The following IFT88 variants were observed in gnomAD, a reference collection of about 807,000 sequenced individuals.
IFT88 encodes the protein intraflagellar transport 88, also known as intraflagellar transport protein 88 homolog.
A neutral mutation model predicts 119.5 loss-of-function variants in IFT88; 74 were observed. The observed-to-expected ratio is 0.62, with a 90% CI of 0.51 to 0.75. The LOEUF (loss-of-function observed/expected upper bound fraction) is 0.75, where lower values mean the gene tolerates loss of function less well. IFT88 is among the 30% of genes least tolerant of loss of function. The pLI, the probability that IFT88 is intolerant of heterozygous loss-of-function variation, is 0.00. For missense variants in IFT88, 961 were observed against 977.7 expected (o/e 0.98, Z 0.23); for synonymous variants, 279 against 316.7 (o/e 0.88, Z 1.26).
intron 14 of IFT88, among the ~76,000 whole-genome samples, chr13:20,621,532 A>T (rs1404942167): frequency 1.3e-4 from 2 of 14,958 alleles, no homozygotes; most frequent in Non-Finnish European, 1.9e-4. Flanking sequence ...GAGATAAAAA[A>T]AAAAAAAAAA....
chr13:20,614,817 CTT>C (rs762297940), intron 13 of IFT88, among the ~76,000 whole-genome samples: 7 of 125,828 alleles, frequency 5.6e-5, no homozygotes, highest in Admixed American at 8.5e-5. Context: ...TATTTCTTTT[CTT>C]TTTTTTTTTT....
rs1300608868 is a variant in IFT88 at position 20,623,890 on chromosome 13, T to G, written c.1200-1860T>G. On this transcript the variant is annotated intron_variant, in intron 14 of 25. Coordinates refer to ENST00000351808, the MANE Select transcript of IFT88 (RefSeq NM_006531.5). ...CTAAGTATTGTATTCTTTTTGGCAC[T>G]GTTGTCGATGGAATTGTACTCTTAA... Among the ~76,000 whole-genome samples, 6 of 152,208 alleles carry G rather than the reference T, an allele frequency of 3.9e-5. No individual in the cohort carries two copies. The East Asian group carries it at 1.2e-3, about 29-fold the overall frequency.
In IFT88 at chr13:20,592,414, T is replaced by G; in HGVS notation, c.398+10T>G. 6.3e-7 allele frequency: 1 copy of G among 1,586,094 alleles called. No individual in the cohort carries two copies. Among genetic ancestry groups the G allele is most frequent in the Non-Finnish European group, 8.6e-7 (1 of 1,164,410 alleles). On this transcript the variant is annotated intron_variant, in intron 7 of 25. Transcript: ENST00000351808. Reference sequence around the variant, plus strand: ...CCAAGAAAAAAGATAGGTATGTAAGTCCTTATGTTGTTGTTTGTTGTTGTT... The same window carrying G: ...CCAAGAAAAAAGATAGGTATGTAAGGCCTTATGTTGTTGTTTGTTGTTGTT...
chr13:20,612,994 A>G (rs1286843396), intron 13 of IFT88, among the ~76,000 whole-genome samples: 4 of 152,058 alleles, frequency 2.6e-5, no homozygotes, highest in Admixed American at 6.5e-5. Flanking sequence ...AAATTGTTAG[A>G]AAAAGAAGAG....
chr13:20,682,044 C>G (rs1432501316), intron 24 of IFT88, among the ~76,000 whole-genome samples: 1 of 152,218 alleles, frequency 6.6e-6, no homozygotes, highest in East Asian at 1.9e-4. Flanking sequence ...ACGAAATCAG[C>G]TAAATGGGTT....
In IFT88 at chr13:20,583,018, CAGTA is replaced by C; in HGVS notation, c.153+3_153+6del. The C allele has an allele frequency of 6.3e-7, 1 of 1,597,110 alleles. No homozygotes were observed. The highest frequency in any genetic ancestry group is 8.5e-7 in the Non-Finnish European group (1 of 1,171,792). On this transcript the variant is annotated splice_donor_variant and splice_donor_region_variant and coding_sequence_variant and intron_variant, in exon 3 of 26. Coordinates refer to ENST00000351808, the MANE Select transcript of IFT88 (RefSeq NM_006531.5). LOFTEE classifies it high-confidence loss of function. ...AGGACTAGTCATGGCAGAAGACCTC[CAGTA>C]AGTGAAAAAAATTTTTTTTAAATTG... is the stretch of plus-strand genomic sequence containing the variant.
At chr13:20,629,332 T>C (rs2047836992) in intron 15 of IFT88, among the ~76,000 whole-genome samples, 1 of 152,210 alleles carries the variant, frequency 6.6e-6, no homozygotes, top group Admixed American at 6.5e-5. Flanking sequence ...GGATAAGCAA[T>C]ATTAGCAGCA....
chr13:20,580,727 T>TC (rs200286421), intron 2 of IFT88, among the ~76,000 whole-genome samples: 7,826 of 141,730 alleles, frequency 0.055, 299 homozygotes, highest in African/African-American at 0.1. Context: ...CTTTTTTCTT[T>TC]TTTTTTTTTT....
At chr13:20,631,789 G>A (rs1044662228) in intron 16 of IFT88, 4 of 152,274 alleles carry the variant, frequency 2.6e-5, no homozygotes, top group Admixed American at 6.5e-5. Flanking sequence ...AGGGAAGTGT[G>A]TATAAGAGTC....
Position 20,638,351 on chromosome 13 carries a change from C to G in IFT88, c.1406C>G (p.Ala469Gly). 1.5e-6 allele frequency: 2 copies of G among 1,376,920 alleles called. No homozygotes were observed. The highest frequency in any genetic ancestry group is 1.9e-6 in the Non-Finnish European group (2 of 1,057,054). 85.3% of individuals were successfully genotyped at this position (1,376,920 alleles called of 1,614,324 possible). A position where few individuals can be genotyped will look rare whatever the true frequency, so the allele number is the denominator to read the frequency against. The part of the protein sequence containing the change: ...LYYMGKDFAQ[A>G]SSYADIAVNS... ...ACTTAGGGAAAGGATTTTGCACAAG[C>G]CAGCAGCTATGCAGATATAGCTGTG... Residue 469 changes from alanine (A) to glycine (G), a missense_variant, in exon 17 of 26, where the codon GCC (alanine) becomes GGC (glycine). Ala to Gly is a moderately conservative substitution (Grantham distance 60). Transcript: ENST00000351808.
intron 12 of IFT88, among the ~76,000 whole-genome samples, chr13:20,604,810 C>T (rs2043154038): frequency 6.6e-6 from 1 of 152,026 alleles, no homozygotes; most frequent in Non-Finnish European, 1.5e-5. Context: ...CAAAAATTAG[C>T]CAGGCATCAT....
chr13:20,581,237 G>A (rs1010205722), intron 2 of IFT88, among the ~76,000 whole-genome samples: 23 of 152,294 alleles, frequency 1.5e-4, no homozygotes, highest in African/African-American at 5.5e-4. Context: ...ATTACTTGCA[G>A]CAGTGGCTTA....
intron 20 of IFT88, among the ~76,000 whole-genome samples, chr13:20,651,477 A>G (rs1428363616): frequency 6.7e-6 from 1 of 148,776 alleles, no homozygotes; most frequent in East Asian, 2.0e-4. Context: ...TCAGTTTATG[A>G]TAGTCAAAAG....
intron 24 of IFT88, among the ~76,000 whole-genome samples, chr13:20,680,139 C>T (rs1303205461): frequency 6.6e-6 from 1 of 152,144 alleles, no homozygotes; most frequent in Non-Finnish European, 1.5e-5. Flanking sequence ...TGGTAAACTT[C>T]GGTTACAGGA....
Position 20,671,037 on chromosome 13 carries a change from G to A in IFT88, c.2240G>A (p.Gly747Asp), listed in dbSNP as rs1225473074. The A allele has an allele frequency of 1.2e-6, 2 of 1,613,562 alleles. No homozygotes were observed. Among genetic ancestry groups the A allele is most frequent in the Admixed American group, 3.3e-5 (2 of 59,980 alleles). Residue 747 changes from glycine to aspartate, a missense_variant and splice_region_variant, in exon 24 of 26, where the codon GGT becomes GAT. Transcript: ENST00000351808. ...SRGKREGSAS[G>D]DSGQNYSASS... ...GGCAAAAGAGAAGGAAGTGCTAGCG[G>A]TGGTAAGTATTTTCTCTTTCCCTGA...
chr13:20,605,032 C>G lies in IFT88; in HGVS notation c.1042-3C>G. ...CTTTTTTTCTTCCATTTTATTTTAC[C>G]AGGATGATCCTCATACTAACTTAGT... On this transcript the variant is annotated splice_polypyrimidine_tract_variant and splice_region_variant and intron_variant, in intron 12 of 25. Transcript: ENST00000351808. The G allele has an allele frequency of 7.3e-7, 1 of 1,371,980 alleles. No homozygotes were observed. Among genetic ancestry groups the G allele is most frequent in the South Asian group, 1.2e-5 (1 of 82,238 alleles). 85.0% of individuals were successfully genotyped at this position (1,371,980 alleles called of 1,614,324 possible).
At position 20,687,068 on chromosome 13, in the gene IFT88, C is replaced by T. The variant is rs575165450; in HGVS notation, c.2243-3637C>T. Among the ~76,000 whole-genome samples the T allele has an allele frequency of 1.5e-3, 218 of 146,396 alleles. 1 individual carries two copies. Among genetic ancestry groups the T allele is most frequent in the African/African-American group, 5.2e-3 (209 of 39,882 alleles). ...AAAAAAACCTCATATTTAAAAACTA[C>T]GTCACTCTAAAATGTTACAAATAGG... is the stretch of plus-strand genomic sequence containing the variant. On this transcript the variant is annotated intron_variant, in intron 24 of 25. Transcript: ENST00000351808.
At chr13:20,576,961 G>A (rs527855759) in intron 2 of IFT88, among the ~76,000 whole-genome samples, 2 of 152,250 alleles carry the variant, frequency 1.3e-5, no homozygotes, top group African/African-American at 2.4e-5. Context: ...GGGTAGTATG[G>A]ACATTTTAAC....
At chr13:20,607,597 T>A (rs1280713451) in intron 13 of IFT88, 2 of 755,208 alleles carry the variant, frequency 2.6e-6, no homozygotes, top group Non-Finnish European at 4.9e-6. Context: ...CATCTCCCGC[T>A]GCTCAACATC....
Sources: allele counts gnomAD v4.1 joint callset (sites outside exome capture counted in the v4.1 genomes callset), GRCh38; gene constraint gnomAD v4.1.1; transcripts MANE v1.5; gene names NCBI Gene and HGNC (gene_info 2026-07-23, HGNC 2026-07-21).